The following TET3 variants were observed in gnomAD, a reference collection of about 807,000 sequenced individuals.
TET3 encodes tet methylcytosine dioxygenase 3.
A neutral mutation model predicts 141.4 loss-of-function variants in TET3; 19 were observed. The observed-to-expected ratio is 0.13, with a 90% CI of 0.09 to 0.20. The LOEUF is 0.20. TET3 is among the 10% of genes least tolerant of loss of function. The probability of loss-of-function intolerance (pLI) is 1.00; values close to 1 mark genes in which losing one functional copy is unlikely to be tolerated. For missense variants in TET3, 1,874 were observed against 2,356.9 expected (o/e 0.80, Z 4.24); for synonymous variants, 1,043 against 980.9 (o/e 1.06, Z -1.18).
the TET3 span, among the ~76,000 whole-genome samples, chr2:74,114,295 G>A: frequency 9.3e-6 from 1 of 107,350 alleles, no homozygotes; most frequent in Admixed American, 1.2e-4. Context: ...ATGGACCTTG[G>A]GGACTCGGGG....
intron 3 of TET3, among the ~76,000 whole-genome samples, chr2:74,005,950 C>T (rs965000358): frequency 3.3e-5 from 5 of 152,112 alleles, no homozygotes; most frequent in East Asian, 1.9e-4. Context: ...AACACCGGGC[C>T]GCCCTGCTTT....
chr2:74,123,410 A>T, the TET3 span, among the ~76,000 whole-genome samples: 2 of 152,216 alleles, frequency 1.3e-5, no homozygotes, highest in Non-Finnish European at 2.9e-5. Context: ...CGAGTTCAGG[A>T]GATCAACACC....
intron 3 of TET3, among the ~76,000 whole-genome samples, chr2:74,018,333 C>T (rs1685846323): frequency 1.3e-5 from 2 of 152,084 alleles, no homozygotes; most frequent in Non-Finnish European, 2.9e-5. Context: ...TTGATACTAA[C>T]TTCTGTTACG....
intron 10 of TET3, among the ~76,000 whole-genome samples, chr2:74,094,755 T>G (rs1690708915): frequency 6.6e-6 from 1 of 152,134 alleles, no homozygotes; most frequent in Admixed American, 6.5e-5. Context: ...TGAGCAGGAC[T>G]TGAGGAGCAC....
rs1691442500 is a variant in TET3 at position 74,105,508 on chromosome 2, T to C, written c.*3332T>C. ...ATGGATTTGGGGGTCTTTCGGTTTT[T>C]GGTTTTGGGTCTGGCTTTTAGCAGG... On this transcript the variant is annotated 3_prime_UTR_variant, in exon 12 of 12. Transcript: ENST00000409262. 2.5e-6 allele frequency: 1 copy of C among 398,046 alleles called. No homozygotes were observed. Among genetic ancestry groups the C allele is most frequent in the African/African-American group, 2.1e-5 (1 of 48,610 alleles). 24.7% of individuals were successfully genotyped at this position (398,046 alleles called of 1,614,324 possible).
chr2:74,038,037 G>C (rs1687157898), intron 3 of TET3, among the ~76,000 whole-genome samples: 1 of 152,196 alleles, frequency 6.6e-6, no homozygotes, highest in African/African-American at 2.4e-5. Flanking sequence ...GGGTGCTGCT[G>C]TTGAATGCCT....
At chr2:74,067,604 A>G (rs1688978656) in intron 4 of TET3, among the ~76,000 whole-genome samples, 1 of 152,248 alleles carries the variant, frequency 6.6e-6, no homozygotes, top group African/African-American at 2.4e-5. Flanking sequence ...CATTGTATAC[A>G]AGATGCTCTA....
chr2:74,038,432 G>T (rs80222013), intron 3 of TET3, among the ~76,000 whole-genome samples: 1,925 of 152,220 alleles, frequency 0.013, 37 homozygotes, highest in African/African-American at 0.044. Context: ...TGTGAAGCAG[G>T]GAAGAAACCT....
At chr2:73,996,623 T>G (rs886854767) in intron 2 of TET3, among the ~76,000 whole-genome samples, 4 of 152,228 alleles carry the variant, frequency 2.6e-5, no homozygotes, top group African/African-American at 9.6e-5. Flanking sequence ...TTCTCGTGCC[T>G]TAGCCTCCTG....
intron 3 of TET3, among the ~76,000 whole-genome samples, chr2:74,041,816 T>C (rs1394228806): frequency 6.6e-6 from 1 of 152,222 alleles, no homozygotes; most frequent in Non-Finnish European, 1.5e-5. Flanking sequence ...TTTTTATGGG[T>C]ACCGCTGCTG....
rs61217149 is a variant in TET3 at position 74,032,451 on chromosome 2, CTGTGTGTGTGTGTGTGTGTGTG to C, written c.361-13791_361-13770del. Among the ~76,000 whole-genome samples the C allele has an allele frequency of 7.8e-4, 56 of 71,944 alleles. 1 individual carries two copies. The highest frequency in any genetic ancestry group is 2.0e-3 in the African/African-American group (18 of 8,814). 47.2% of individuals were successfully genotyped at this position (71,944 alleles called of 152,430 possible). On this transcript the variant is annotated intron_variant, in intron 3 of 11. Transcript: ENST00000409262. ...CAGCGGCTGCAAGAGGGGTGTGTCTCTGTGTGTGTGTGTGTGTGTGTGTGTGTGTGTGTGTGTGTGTGTGTGT... is the reference window on the plus strand; with the variant it reads ...CAGCGGCTGCAAGAGGGGTGTGTCTCTGTGTGTGTGTGTGTGTGTGTGTGT...
Position 74,092,891 on chromosome 2 carries a change from T to G in TET3, c.3040-11T>G, listed in dbSNP as rs2104121668. ...GCTGCTCTGGATGTGTGACTGCCCCTCTCTCTGCAGGAAGAAGTGCTCCGG... is the reference window on the plus strand; with the variant it reads ...GCTGCTCTGGATGTGTGACTGCCCCGCTCTCTGCAGGAAGAAGTGCTCCGG... On this transcript the variant is annotated splice_polypyrimidine_tract_variant and intron_variant, in intron 8 of 11. Transcript: ENST00000409262. The G allele has an allele frequency of 6.3e-7, 1 of 1,578,694 alleles. No homozygotes were observed. The highest frequency in any genetic ancestry group is 8.6e-7 in the Non-Finnish European group (1 of 1,162,316).
chr2:74,114,874 AG>A, the TET3 span, among the ~76,000 whole-genome samples: 2 of 149,644 alleles, frequency 1.3e-5, no homozygotes, highest in African/African-American at 4.9e-5. Flanking sequence ...AAAAAAAAAA[AG>A]ATGCTGGGAA....
At chr2:73,985,439 C>G (rs1035156436) in intron 1 of TET3, among the ~76,000 whole-genome samples, 1 of 144,628 alleles carries the variant, frequency 6.9e-6, no homozygotes, top group Non-Finnish European at 1.5e-5. Flanking sequence ...GCCCGCGGCT[C>G]GAGCGCGCCC....
intron 3 of TET3, among the ~76,000 whole-genome samples, chr2:74,040,194 T>A (rs1411445448): frequency 6.6e-6 from 1 of 152,022 alleles, no homozygotes; most frequent in Non-Finnish European, 1.5e-5. Context: ...AGAGAGGGTA[T>A]GTTCAAGAGA....
rs952220682 is a variant in TET3, at chr2:74,100,693, G to A, written c.3905G>A (p.Gly1302Asp). The part of the protein sequence containing the change: ...SNPVFPSQFL[G>D]PGAWGHSGSS... ...CCCGTCTTCCCCTCTCAGTTCCTGGGTCCTGGTGCCTGGGGGCACAGTGGC... is the reference window on the plus strand; with the variant it reads ...CCCGTCTTCCCCTCTCAGTTCCTGGATCCTGGTGCCTGGGGGCACAGTGGC... The change falls in exon 12 of 12, where the codon GGT (glycine) becomes GAT (aspartate). Residue 1302 changes from glycine to aspartate, a missense_variant. Gly to Asp is a moderately conservative substitution (Grantham distance 94, BLOSUM62 -1). Transcript: ENST00000409262. 5 of 1,613,984 alleles carry A rather than the reference G, an allele frequency of 3.1e-6. No homozygotes were observed. In the East Asian group the frequency reaches 8.9e-5, roughly 29 times the overall value.
the TET3 span, among the ~76,000 whole-genome samples, chr2:74,115,077 G>A: frequency 6.6e-6 from 1 of 151,870 alleles, no homozygotes; most frequent in Non-Finnish European, 1.5e-5. Flanking sequence ...CAAAAGCACA[G>A]GCAATAAAAA....
In TET3 at chr2:74,099,455, C is replaced by T; in HGVS notation, c.3447C>T (p.Val1149=). The part of the protein sequence containing the change: ...IQVLTAFPRE[V]RRLPEPAKSC... ...TGCTCACCGCCTTCCCCCGCGAGGT[C>T]CGACGCCTGCCCGAGCCTGCCAAGT... The change falls in exon 11 of 12, where the codon GTC becomes GTT. Residue 1149 remains valine, a synonymous_variant. Coordinates refer to ENST00000409262, the MANE Select transcript of TET3 (RefSeq NM_001287491.2). 1 of 1,613,802 alleles carries T rather than the reference C, an allele frequency of 6.2e-7. No individual in the cohort carries two copies. The highest frequency in any genetic ancestry group is 8.5e-7 in the Non-Finnish European group (1 of 1,179,858).
chr2:73,997,267 T>C (rs1684641016), intron 2 of TET3, among the ~76,000 whole-genome samples: 1 of 152,230 alleles, frequency 6.6e-6, no homozygotes, highest in African/African-American at 2.4e-5. Context: ...AATATTAGAC[T>C]AGAGTCTGCT....
Sources: allele counts gnomAD v4.1 joint callset (sites outside exome capture counted in the v4.1 genomes callset), GRCh38; gene constraint gnomAD v4.1.1; transcripts MANE v1.5; gene names NCBI Gene and HGNC (gene_info 2026-07-23, HGNC 2026-07-21).